The following CHST11 variants were observed in gnomAD, a reference collection of about 807,000 sequenced individuals.
The protein encoded by CHST11 is C4S-1.
A neutral mutation model predicts 30.4 loss-of-function variants in CHST11; 9 were observed. The ratio of observed to expected loss-of-function variants is 0.30; its 90% CI spans 0.18 to 0.52. The LOEUF (loss-of-function observed/expected upper bound fraction) is 0.52. Ranked by LOEUF, CHST11 falls within the 20% of genes least tolerant of loss-of-function variation. The pLI, the probability that CHST11 is intolerant of heterozygous loss-of-function variation, is 0.97. For missense variants in CHST11, 348 were observed against 460.6 expected (o/e 0.76, Z 2.24); for synonymous variants, 152 against 187.8 (o/e 0.81, Z 1.56).
intron 1 of CHST11, among the ~76,000 whole-genome samples, chr12:104,591,917 A>G (rs313322): frequency 0.84 from 126,928 of 151,980 alleles, 53,145 homozygotes; most frequent in East Asian, 0.91. Context: ...ACATGCAAAA[A>G]GAGAAAGGGA....
intron 1 of CHST11, among the ~76,000 whole-genome samples, chr12:104,575,357 A>G (rs2665739): frequency 0.72 from 109,338 of 152,006 alleles, 39,597 homozygotes; most frequent in East Asian, 0.98. Flanking sequence ...ATGAACAGAA[A>G]AGGCCCCAGG....
At chr12:104,715,889 C>T (rs1488696908) in intron 2 of CHST11, among the ~76,000 whole-genome samples, 2 of 152,194 alleles carry the variant, frequency 1.3e-5, no homozygotes, top group East Asian at 3.9e-4. Flanking sequence ...AGAGCATCAC[C>T]CTGTGCATTC....
At chr12:104,561,294 C>T (rs1239580499) in intron 1 of CHST11, among the ~76,000 whole-genome samples, 1 of 152,150 alleles carries the variant, frequency 6.6e-6, no homozygotes, top group Non-Finnish European at 1.5e-5. Context: ...GTTGTTCTGC[C>T]CCCACACTGA....
At chr12:104,506,297 C>T (rs1233693931) in intron 1 of CHST11, among the ~76,000 whole-genome samples, 1 of 152,146 alleles carries the variant, frequency 6.6e-6, no homozygotes, top group African/African-American at 2.4e-5. Flanking sequence ...TGTTCAAAGT[C>T]CAACATTGCC....
At chr12:104,464,771 G>A (rs550669897) in intron 1 of CHST11, among the ~76,000 whole-genome samples, 75 of 152,268 alleles carry the variant, frequency 4.9e-4, no homozygotes, top group African/African-American at 1.8e-3. Context: ...TCTTCAGGGT[G>A]CAATCGGTGG....
chr12:104,723,127 C>T (rs187365466), intron 2 of CHST11, among the ~76,000 whole-genome samples: 44 of 152,198 alleles, frequency 2.9e-4, no homozygotes, highest in Admixed American at 2.6e-3. Flanking sequence ...CGTAGTATCA[C>T]CTCCCCTGGG....
rs1242553090 is a variant in CHST11 at position 104,733,406 on chromosome 12, T to C, written c.205-23543T>C. On this transcript the variant is annotated intron_variant, in intron 2 of 2. Transcript: ENST00000303694. ...GGTATCAGGAAAGGGCCTTGCCTGA[T>C]TCTGGGGGCACCTTTAAACCCAGCA... Among the ~76,000 whole-genome samples the C allele has an allele frequency of 5.3e-5, 8 of 152,282 alleles. No homozygotes were observed. In the South Asian group the frequency reaches 1.7e-3, roughly 32 times the overall value.
chr12:104,675,508 A>C (rs1311837847), intron 2 of CHST11, among the ~76,000 whole-genome samples: 1 of 152,204 alleles, frequency 6.6e-6, no homozygotes, highest in Non-Finnish European at 1.5e-5. Context: ...ACAGGATCCA[A>C]TTAACTGAGG....
chr12:104,544,440 G>A (rs1334629435), intron 1 of CHST11, among the ~76,000 whole-genome samples: 1 of 152,054 alleles, frequency 6.6e-6, no homozygotes, highest in Non-Finnish European at 1.5e-5. Flanking sequence ...ATTTGGGCCG[G>A]GCACGGTGGC....
chr12:104,494,036 G>A (rs987587208), intron 1 of CHST11, among the ~76,000 whole-genome samples: 14 of 152,222 alleles, frequency 9.2e-5, no homozygotes, highest in African/African-American at 2.6e-4. Flanking sequence ...TTGAATTTCC[G>A]GGCTCAAGCA....
At chr12:104,588,510 T>C (rs923157091) in intron 1 of CHST11, among the ~76,000 whole-genome samples, 1 of 152,236 alleles carries the variant, frequency 6.6e-6, no homozygotes, top group Non-Finnish European at 1.5e-5. Flanking sequence ...AGTCACAGAC[T>C]GGCTCATTCC....
intron 2 of CHST11, among the ~76,000 whole-genome samples, chr12:104,654,422 C>T (rs2039523033): frequency 6.6e-6 from 1 of 152,158 alleles, no homozygotes; most frequent in South Asian, 2.1e-4. Flanking sequence ...GAAAGACACC[C>T]ATGGACACAG....
At chr12:104,619,355 T>A (rs2039138274) in intron 2 of CHST11, among the ~76,000 whole-genome samples, 1 of 152,180 alleles carries the variant, frequency 6.6e-6, no homozygotes, top group Non-Finnish European at 1.5e-5. Context: ...TCTGTGGGCT[T>A]GGAACTTTTT....
chr12:104,540,672 C>T (rs923128314), intron 1 of CHST11, among the ~76,000 whole-genome samples: 1 of 152,190 alleles, frequency 6.6e-6, no homozygotes, highest in African/African-American at 2.4e-5. Flanking sequence ...TCAAGGACCA[C>T]CAGGGAAACC....
intron 2 of CHST11, among the ~76,000 whole-genome samples, chr12:104,737,869 A>G (rs1202529031): frequency 1.3e-5 from 2 of 152,072 alleles, no homozygotes; most frequent in Non-Finnish European, 1.5e-5. Context: ...GTCCCCTGGG[A>G]AGGCTGGGTG....
rs78850234 is a variant in CHST11, at chr12:104,718,979, G to T, written c.205-37970G>T. Among the ~76,000 whole-genome samples, 89 of 152,240 alleles carry T rather than the reference G, an allele frequency of 5.8e-4. 1 individual carries two copies. The East Asian group carries it at 0.015, about 26-fold the overall frequency. ...CGGGGAAGGTTCTCCGACTTTCCAG[G>T]GTGCATGGAACCCCAATGCATTTCT... On this transcript the variant is annotated intron_variant, in intron 2 of 2. Transcript: ENST00000303694.
chr12:104,462,357 ACAT>A (rs1236735216), intron 1 of CHST11, among the ~76,000 whole-genome samples: 1 of 151,698 alleles, frequency 6.6e-6, no homozygotes, highest in African/African-American at 2.4e-5. Context: ...AGTTGAGATA[ACAT>A]CATGCATTTT....
chr12:104,756,895 G>A, intron 2 of CHST11, 54 bp from the exon 3 acceptor site: 1 of 1,554,224 alleles, frequency 6.4e-7, no homozygotes, highest in Non-Finnish European at 8.7e-7. Context: ...GTAGCCAAGT[G>A]GAAATGTTTC....
intron 2 of CHST11, among the ~76,000 whole-genome samples, chr12:104,626,578 C>CAAAA (rs34633763): frequency 5.1e-5 from 4 of 78,160 alleles, no homozygotes; most frequent in African/African-American, 1.5e-4. Context: ...CCTCCCCACC[C>CAAAA]AAAAAAAAAA....
Sources: allele counts gnomAD v4.1 joint callset (sites outside exome capture counted in the v4.1 genomes callset), GRCh38; gene constraint gnomAD v4.1.1; transcripts MANE v1.5; gene names NCBI Gene and HGNC (gene_info 2026-07-23, HGNC 2026-07-21).